The following KIAA1217 variants were observed in gnomAD, a reference collection of about 807,000 sequenced individuals.
The protein encoded by KIAA1217 is KIAA1217, also known as sickle tail protein homolog.
KIAA1217 carries 88 observed loss-of-function variants against 163.9 expected under a neutral mutation model. The ratio of observed to expected loss-of-function variants is 0.54; its 90% CI spans 0.45 to 0.64. The LOEUF (loss-of-function observed/expected upper bound fraction) is 0.64, where lower values mean the gene tolerates loss of function less well. KIAA1217 is among the 30% of genes least tolerant of loss of function. The pLI, the probability that KIAA1217 is intolerant of heterozygous loss-of-function variation, is 0.00. For synonymous variants in KIAA1217, 903 were observed against 923.1 expected (o/e 0.98, Z 0.39); for missense variants, 2,372 against 2,475.0 (o/e 0.96, Z 0.88).
chr10:23,957,942 C>T (rs1016029575), intron 1 of KIAA1217, among the ~76,000 whole-genome samples: 1 of 152,172 alleles, frequency 6.6e-6, no homozygotes, highest in East Asian at 1.9e-4. Context: ...CAGCACCCCA[C>T]ATACAAGAGT....
chr10:23,720,797 C>T (rs1422489224), intron 1 of KIAA1217, among the ~76,000 whole-genome samples: 6 of 152,050 alleles, frequency 3.9e-5, no homozygotes, highest in African/African-American at 9.7e-5. Context: ...TAAATTTTAT[C>T]GATAAAAATT....
intron 1 of KIAA1217, among the ~76,000 whole-genome samples, chr10:23,758,626 T>TTCTC (rs573288653): frequency 0.07 from 8,121 of 116,824 alleles, 1,164 homozygotes; most frequent in African/African-American, 0.27. Context: ...CTTTCTTACT[T>TTCTC]TCTCTCTCTC....
chr10:24,140,308 C>T (rs999329391), intron 2 of KIAA1217, among the ~76,000 whole-genome samples: 6 of 149,076 alleles, frequency 4.0e-5, no homozygotes, highest in Admixed American at 6.7e-5. Flanking sequence ...TGCAGTGAGC[C>T]GAAATCGTGC....
chr10:24,346,997 C>T (rs756554321), intron 2 of KIAA1217, among the ~76,000 whole-genome samples: 3 of 152,060 alleles, frequency 2.0e-5, no homozygotes, highest in Non-Finnish European at 4.4e-5. Flanking sequence ...TGTTAATAAC[C>T]GAGTGTTGGC....
At chr10:24,273,466 C>T (rs916329912) in intron 2 of KIAA1217, among the ~76,000 whole-genome samples, 1 of 152,100 alleles carries the variant, frequency 6.6e-6, no homozygotes, top group African/African-American at 2.4e-5. Flanking sequence ...AATGACATGG[C>T]AGAATCTGTC....
In KIAA1217 at chr10:24,544,361, A is replaced by G; in HGVS notation, c.5091A>G (p.Arg1697=). The stretch of plus-strand genomic sequence containing the variant: ...TTGATACCTCATGTTCTTCCAACAG[A>G]GATTCTGTTGCAAGTTCATCCCACA... ...ALVDTSCSSN[R]DSVASSSHIA... The change falls in exon 19 of 21, where the codon AGA becomes AGG. Residue 1697 remains arginine, a synonymous_variant. Transcript: ENST00000376454. The G allele has an allele frequency of 6.2e-7, 1 of 1,614,062 alleles. No homozygotes were observed. Among genetic ancestry groups the G allele is most frequent in the Non-Finnish European group, 8.5e-7 (1 of 1,180,022 alleles).
At chr10:24,445,199 C>T (rs1173402337) in intron 5 of KIAA1217, among the ~76,000 whole-genome samples, 4 of 152,078 alleles carry the variant, frequency 2.6e-5, no homozygotes, top group Non-Finnish European at 5.9e-5. Flanking sequence ...AGAGGTCTTT[C>T]CCAAGCTCAC....
At chr10:23,969,059 A>G (rs577107787) in intron 1 of KIAA1217, among the ~76,000 whole-genome samples, 1 of 152,112 alleles carries the variant, frequency 6.6e-6, no homozygotes, top group East Asian at 1.9e-4. Flanking sequence ...TTTGAGATGG[A>G]GTTTCACTGT....
intron 2 of KIAA1217, among the ~76,000 whole-genome samples, chr10:24,163,271 T>C (rs928483952): frequency 6.6e-6 from 1 of 152,230 alleles, no homozygotes; most frequent in East Asian, 1.9e-4. Flanking sequence ...AGTTCAATTC[T>C]GACAATCAAA....
chr10:24,238,230 C>T (rs2072553897), intron 2 of KIAA1217, among the ~76,000 whole-genome samples: 1 of 152,198 alleles, frequency 6.6e-6, no homozygotes, highest in South Asian at 2.1e-4. Flanking sequence ...CCATTCAGCT[C>T]CCTGCTGAGT....
chr10:24,383,988 G>T (rs556788071), intron 3 of KIAA1217, among the ~76,000 whole-genome samples: 1 of 152,302 alleles, frequency 6.6e-6, no homozygotes, highest in African/African-American at 2.4e-5. Context: ...ACACACAGAC[G>T]CACGGGTTCC....
intron 2 of KIAA1217, among the ~76,000 whole-genome samples, chr10:24,358,506 C>T (rs1019965865): frequency 6.6e-6 from 1 of 152,240 alleles, no homozygotes; most frequent in Non-Finnish European, 1.5e-5. Flanking sequence ...TGTGTTTGTT[C>T]ATTCTCATAC....
chr10:24,149,359 C>T (rs917133446), intron 2 of KIAA1217, among the ~76,000 whole-genome samples: 3 of 151,576 alleles, frequency 2.0e-5, no homozygotes, highest in African/African-American at 4.8e-5. Flanking sequence ...TTTTTTTGTA[C>T]TTTTAGTAGA....
intron 1 of KIAA1217, among the ~76,000 whole-genome samples, chr10:23,830,727 T>C (rs1057082821): frequency 2.0e-5 from 3 of 151,698 alleles, no homozygotes; most frequent in Non-Finnish European, 1.5e-5. Context: ...GGTAGATAGA[T>C]AGCTAGATAG....
intron 2 of KIAA1217, among the ~76,000 whole-genome samples, chr10:24,051,320 G>T (rs1849488265): frequency 6.6e-6 from 1 of 152,098 alleles, no homozygotes; most frequent in African/African-American, 2.4e-5. Context: ...TGGGCATTTA[G>T]GCTGGTTCCA....
chr10:23,826,460 A>G (rs1019808699), intron 1 of KIAA1217, among the ~76,000 whole-genome samples: 3 of 152,160 alleles, frequency 2.0e-5, no homozygotes, highest in Non-Finnish European at 2.9e-5. Flanking sequence ...GGCTGAGAGG[A>G]TAGAATCGCT....
chr10:24,406,392 A>AACACACACACAC lies in KIAA1217; in HGVS notation c.553+25342_553+25353dup, dbSNP rs34564889. Among the ~76,000 whole-genome samples, 852 of 133,864 alleles carry AACACACACACAC rather than the reference A, an allele frequency of 6.4e-3. 7 individuals are homozygous for AACACACACACAC. The highest frequency in any genetic ancestry group is 0.027 in the African/African-American group (781 of 29,390). 87.8% of individuals were successfully genotyped at this position (133,864 alleles called of 152,430 possible). On this transcript the variant is annotated intron_variant, in intron 3 of 20. Coordinates refer to ENST00000376454, the MANE Select transcript of KIAA1217 (RefSeq NM_019590.5). ...ATATGCAAAGGTACATTCACACACA[A>AACACACACACAC]ACACACACACACACACACACACACA... is the stretch of plus-strand genomic sequence containing the variant.
At chr10:23,992,606 TC>T (rs143967232) in intron 1 of KIAA1217, among the ~76,000 whole-genome samples, 43 of 139,370 alleles carry the variant, frequency 3.1e-4, no homozygotes, top group Non-Finnish European at 6.1e-5. Context: ...GGCCATCATT[TC>T]TTTTTTTTTT....
chr10:23,806,368 C>CT (rs1836743495), intron 1 of KIAA1217, among the ~76,000 whole-genome samples: 1 of 152,154 alleles, frequency 6.6e-6, no homozygotes, highest in Admixed American at 6.5e-5. Flanking sequence ...ATGTGAATGA[C>CT]TTTTTTACAT....
Sources: allele counts gnomAD v4.1 joint callset (sites outside exome capture counted in the v4.1 genomes callset), GRCh38; gene constraint gnomAD v4.1.1; transcripts MANE v1.5; gene names NCBI Gene and HGNC (gene_info 2026-07-23, HGNC 2026-07-21).